Variants in HSDL1 observed in about 807,000 individuals in gnomAD.
HSDL1 encodes inactive hydroxysteroid dehydrogenase-like protein 1.
A neutral mutation model predicts 31.5 loss-of-function variants in HSDL1; 29 were observed. That is an observed-to-expected ratio of 0.92 (90% CI 0.69 to 1.26). HSDL1 has a LOEUF of 1.26. HSDL1 is among the 50% of genes most tolerant of loss of function. The probability of loss-of-function intolerance (pLI) is 0.00; values close to 1 mark genes in which losing one functional copy is unlikely to be tolerated. For missense variants in HSDL1, 503 were observed against 416.6 expected, an observed-to-expected ratio of 1.21 and a Z score of -1.81; for synonymous variants, 222 against 155.2, an observed-to-expected ratio of 1.43 and a Z score of -3.20.
At chr16:84,144,749 G>A (rs887417847) in intron 1 of HSDL1, among the ~76,000 whole-genome samples, 1 of 151,612 alleles carries the variant, frequency 6.6e-6, no homozygotes, top group Non-Finnish European at 1.5e-5. Context: ...GGCAAGGCCC[G>A]GGGGAAGAGA....
chr16:84,143,301 A>G (rs2086786581), intron 1 of HSDL1, among the ~76,000 whole-genome samples: 1 of 152,272 alleles, frequency 6.6e-6, no homozygotes, highest in Non-Finnish European at 1.5e-5. Flanking sequence ...ACATACTACA[A>G]CATGGATAAA....
rs370573183 is a variant in HSDL1 at position 84,129,509 on chromosome 16, T to C, written c.894+39A>G. Reference sequence around the variant, plus strand: ...CTGTATCACTGAGATAGGTTCATGATGCATTAATCTAATTATGAGACCTGA... The same window carrying C: ...CTGTATCACTGAGATAGGTTCATGACGCATTAATCTAATTATGAGACCTGA... On this transcript the variant is annotated intron_variant, in intron 5 of 5. Coordinates refer to ENST00000219439, the MANE Select transcript of HSDL1 (RefSeq NM_031463.5). The C allele has an allele frequency of 5.9e-6, 8 of 1,350,718 alleles. No homozygotes were observed. The Admixed American group carries it at 6.7e-5, about 11-fold the overall frequency. 83.7% of individuals were successfully genotyped at this position (1,350,718 alleles called of 1,614,324 possible).
chr16:84,126,448 G>A (rs2086607574), intron 5 of HSDL1, among the ~76,000 whole-genome samples: 1 of 152,128 alleles, frequency 6.6e-6, no homozygotes, highest in Admixed American at 6.5e-5. Context: ...TGGAGGCCCA[G>A]GATGGTGTTC....
intron 1 of HSDL1, among the ~76,000 whole-genome samples, chr16:84,137,427 A>T (rs1390741336): frequency 6.6e-6 from 1 of 152,206 alleles, no homozygotes; most frequent in Non-Finnish European, 1.5e-5. Flanking sequence ...AGATGCCTTC[A>T]CGCCAGACTG....
chr16:84,137,117 T>G (rs146615111), intron 1 of HSDL1, among the ~76,000 whole-genome samples: 31 of 152,324 alleles, frequency 2.0e-4, no homozygotes, highest in Admixed American at 3.9e-4. Flanking sequence ...CAGGACTCCG[T>G]GCCACCCGGT....
intron 1 of HSDL1, among the ~76,000 whole-genome samples, chr16:84,141,239 T>A (rs2086766697): frequency 6.6e-6 from 1 of 151,800 alleles, no homozygotes; most frequent in Admixed American, 6.5e-5. Context: ...ATATAGTCCA[T>A]CCTCCTCGGC....
chr16:84,129,303 C>A (rs2086638180), intron 5 of HSDL1, among the ~76,000 whole-genome samples: 2 of 151,926 alleles, frequency 1.3e-5, no homozygotes, highest in Admixed American at 1.3e-4. Flanking sequence ...TGGCATGAAC[C>A]CGGGAGGCGG....
chr16:84,126,533 A>G (rs2086608509), intron 5 of HSDL1, among the ~76,000 whole-genome samples: 1 of 152,182 alleles, frequency 6.6e-6, no homozygotes, highest in Non-Finnish European at 1.5e-5. Context: ...GCTGAGGTGG[A>G]GAAAGCCTAC....
intron 5 of HSDL1, chr16:84,124,997 T>TA (rs11384792): frequency 0.018 from 3,652 of 202,304 alleles, 251 homozygotes; most frequent in African/African-American, 0.056. Flanking sequence ...ATCAAACAAA[T>TA]ACCCACCAAT....
At chr16:84,129,802 C>G in intron 4 of HSDL1, 27 bp from the exon 5 acceptor site, 1 of 1,561,282 alleles carries the variant, frequency 6.4e-7, no homozygotes. Flanking sequence ...GAGGAAAAGA[C>G]TTTTAATTCT....
At chr16:84,128,235 G>A (rs1364306464) in intron 5 of HSDL1, among the ~76,000 whole-genome samples, 1 of 151,378 alleles carries the variant, frequency 6.6e-6, no homozygotes, top group Non-Finnish European at 1.5e-5. Context: ...GTTGCAGTGA[G>A]CCAAGATCGC....
chr16:84,126,171 G>A (rs1374510515), intron 5 of HSDL1, among the ~76,000 whole-genome samples: 1 of 151,796 alleles, frequency 6.6e-6, no homozygotes, highest in Non-Finnish European at 1.5e-5. Context: ...AGACGCATAC[G>A]TGGTTAGTAC....
rs776104156 is a variant in HSDL1, at chr16:84,131,354, C to A, written c.-6-27G>T. 3 of 1,463,696 alleles carry A rather than the reference C, an allele frequency of 2.0e-6. No homozygotes were observed. The South Asian group carries it at 3.4e-5, about 17-fold the overall frequency. The allele number at this position is 1,463,696 out of a possible 1,614,324, so 90.7% of individuals were successfully genotyped here. A position where few individuals can be genotyped will look rare whatever the true frequency, so the allele number is the denominator to read the frequency against. On this transcript the variant is annotated intron_variant, in intron 2 of 5. Transcript: ENST00000219439. ...TGCAGGGAGAGGGAAAGAGAGAGAG[C>A]CTCTTTGATTAATAAATTAAAGGAA... is the stretch of plus-strand genomic sequence containing the variant.
At chr16:84,143,973 G>A (rs1006001176) in intron 1 of HSDL1, among the ~76,000 whole-genome samples, 6 of 151,920 alleles carry the variant, frequency 3.9e-5, no homozygotes, top group Non-Finnish European at 2.9e-5. Flanking sequence ...GAGATCGCAG[G>A]CACCATTGCA....
intron 5 of HSDL1, among the ~76,000 whole-genome samples, chr16:84,125,579 T>C (rs974766619): frequency 1.3e-5 from 2 of 151,952 alleles, no homozygotes; most frequent in Non-Finnish European, 2.9e-5. Flanking sequence ...TACCCACCAG[T>C]CACAACAAAT....
intron 5 of HSDL1, among the ~76,000 whole-genome samples, chr16:84,128,889 G>A: frequency 6.6e-6 from 1 of 151,710 alleles, no homozygotes; most frequent in Non-Finnish European, 1.5e-5. Flanking sequence ...TGTATTTTTA[G>A]TACAGACAGG....
intron 2 of HSDL1, among the ~76,000 whole-genome samples, chr16:84,132,419 A>C (rs1038273666): frequency 5.3e-5 from 8 of 152,218 alleles, no homozygotes; most frequent in African/African-American, 1.9e-4. Context: ...AGCTTGGAAA[A>C]ATGGCTTCTC....
chr16:84,132,305 T>C (rs2086676957), intron 2 of HSDL1, among the ~76,000 whole-genome samples: 1 of 152,168 alleles, frequency 6.6e-6, no homozygotes, highest in Non-Finnish European at 1.5e-5. Context: ...CACTAAGACA[T>C]GGCCTTGGCC....
chr16:84,141,805 G>A (rs886569982), intron 1 of HSDL1, among the ~76,000 whole-genome samples: 1 of 152,124 alleles, frequency 6.6e-6, no homozygotes, highest in African/African-American at 2.4e-5. Flanking sequence ...TCTATGAAAT[G>A]CCCGTTCCTA....
Sources: gnomAD v4.1 joint callset for allele counts (sites outside exome capture counted in the v4.1 genomes callset) on GRCh38, gnomAD v4.1.1 for gene constraint, MANE v1.5 for transcripts, NCBI Gene and HGNC (gene_info 2026-07-23, HGNC 2026-07-21) for gene names.